RORA: variants seen among roughly 807,000 people sequenced by gnomAD.
RORA encodes the protein nuclear receptor ROR-alpha.
Under a neutral mutation model 69.5 loss-of-function variants are expected in RORA, and 7 were observed. That is an observed-to-expected ratio of 0.10 (90% CI 0.06 to 0.19). The LOEUF (loss-of-function observed/expected upper bound fraction) is 0.19, where lower values mean the gene tolerates loss of function less well. RORA is among the 10% of genes least tolerant of loss of function. RORA has a pLI of 1.00. For missense variants in RORA, 457 were observed against 663.0 expected, an observed-to-expected ratio of 0.69 and a Z score of 3.41; for synonymous variants, 261 against 240.8, an observed-to-expected ratio of 1.08 and a Z score of -0.78.
chr15:61,131,085 A>C lies in RORA; in HGVS notation c.166+97968T>G, dbSNP rs902198894. On this transcript the variant is annotated intron_variant, in intron 1 of 10. Transcript: ENST00000335670. This position sits in a 1 kb window ranked among gnomAD's most constrained non-coding sequence, Gnocchi z 4.2. ...TACTACTCAGCCCTCTGTAATATCC[A>C]GTGAGGCAAAACCCAAGTCACTCAA... 3.9e-5 allele frequency among the ~76,000 whole-genome samples: 6 copies of C among 152,184 alleles called. No individual in the cohort carries two copies. The highest frequency in any genetic ancestry group is 1.4e-4 in the African/African-American group (6 of 41,448).
chr15:61,188,129 G>T (rs899241062), intron 1 of RORA, among the ~76,000 whole-genome samples: 3 of 152,064 alleles, frequency 2.0e-5, no homozygotes, highest in Non-Finnish European at 4.4e-5. Flanking sequence ...ACCCCAAGCT[G>T]TCTGGGCTTC....
At position 60,737,880 on chromosome 15, in the gene RORA, C is replaced by A. The variant is rs545505197; in HGVS notation, c.167-59194G>T. ...TGTCAAGAGCTGCTCCTTTTTGTGA[C>A]AATTCTAGCAGAGACTTCGGTGACA... is the stretch of plus-strand genomic sequence containing the variant. On this transcript the variant is annotated intron_variant, in intron 1 of 10. Coordinates refer to ENST00000335670, the MANE Select transcript of RORA (RefSeq NM_134261.3). Among the ~76,000 whole-genome samples the A allele has an allele frequency of 2.6e-5, 4 of 152,328 alleles. No individual in the cohort carries two copies. The South Asian group carries it at 8.3e-4, about 32-fold the overall frequency.
intron 1 of RORA, among the ~76,000 whole-genome samples, chr15:61,011,964 G>A (rs1895101132): frequency 6.6e-6 from 1 of 152,242 alleles, no homozygotes; most frequent in African/African-American, 2.4e-5. Context: ...AGAGCTGAGA[G>A]ATCACCTGGT....
chr15:60,810,083 C>G (rs765648829), intron 1 of RORA, among the ~76,000 whole-genome samples: 1 of 151,990 alleles, frequency 6.6e-6, no homozygotes, highest in African/African-American at 2.4e-5. Flanking sequence ...TTTTTTAGAG[C>G]CTCCTGTCTT....
At chr15:60,644,666 T>C (rs2140682151) in intron 2 of RORA, among the ~76,000 whole-genome samples, 2 of 152,340 alleles carry the variant, frequency 1.3e-5, no homozygotes, top group East Asian at 3.9e-4. Context: ...TGAAAGGTTA[T>C]GGTTGTATCC....
intron 1 of RORA, among the ~76,000 whole-genome samples, chr15:61,207,242 G>A (rs1329374585): frequency 1.3e-5 from 2 of 152,130 alleles, no homozygotes; most frequent in African/African-American, 4.8e-5. Flanking sequence ...TACCACACAT[G>A]TGAAGATGAG....
chr15:61,048,897 TCACCTTTGAA>T (rs1897167165), intron 1 of RORA, among the ~76,000 whole-genome samples: 1 of 152,034 alleles, frequency 6.6e-6, no homozygotes, highest in African/African-American at 2.4e-5. Flanking sequence ...AAAAACAAAA[TCACCTTTGAA>T]CCTCTTCCTC....
chr15:60,887,516 G>C (rs2073764913), intron 1 of RORA, among the ~76,000 whole-genome samples: 1 of 152,178 alleles, frequency 6.6e-6, no homozygotes, highest in Admixed American at 6.5e-5. Flanking sequence ...GGAAAAAAGA[G>C]AAAGAAATGA....
chr15:60,704,985 G>T (rs150870537), intron 1 of RORA, among the ~76,000 whole-genome samples: 1 of 152,194 alleles, frequency 6.6e-6, no homozygotes, highest in Non-Finnish European at 1.5e-5. Context: ...TGTGACTGCC[G>T]AGGGTTGGCA....
intron 2 of RORA, among the ~76,000 whole-genome samples, chr15:60,557,749 T>C (rs1233987985): frequency 2.0e-5 from 3 of 152,220 alleles, no homozygotes; most frequent in Non-Finnish European, 4.4e-5. Context: ...TCATGTATTT[T>C]AGAACATCAC....
At chr15:60,604,620 A>G (rs1266506973) in intron 2 of RORA, among the ~76,000 whole-genome samples, 1 of 152,180 alleles carries the variant, frequency 6.6e-6, no homozygotes, top group Non-Finnish European at 1.5e-5. Flanking sequence ...ATTAAGGCTT[A>G]CCATAGTGCC....
At chr15:60,771,296 G>A (rs79347610) in intron 1 of RORA, among the ~76,000 whole-genome samples, 3,290 of 152,236 alleles carry the variant, frequency 0.022, 49 homozygotes, top group Non-Finnish European at 0.034. Flanking sequence ...AGCCTTCCCT[G>A]AACACTCAGC....
At chr15:61,092,605 G>A (rs1160452424) in intron 1 of RORA, among the ~76,000 whole-genome samples, 3 of 152,326 alleles carry the variant, frequency 2.0e-5, no homozygotes, top group Non-Finnish European at 4.4e-5. Context: ...AAATATGAAT[G>A]AAAATGATTG....
chr15:60,714,601 G>A (rs2071195495), intron 1 of RORA, among the ~76,000 whole-genome samples: 1 of 152,040 alleles, frequency 6.6e-6, no homozygotes, highest in Non-Finnish European at 1.5e-5. Flanking sequence ...CTGACCTCAG[G>A]TGATCCACCC....
intron 2 of RORA, among the ~76,000 whole-genome samples, chr15:60,570,510 C>T (rs28695504): frequency 0.25 from 38,183 of 151,688 alleles, 9,108 homozygotes; most frequent in African/African-American, 0.63. Flanking sequence ...TTATTATTAT[C>T]ATCATTATTT....
chr15:60,634,273 C>T (rs1465172634), intron 2 of RORA, among the ~76,000 whole-genome samples: 1 of 152,196 alleles, frequency 6.6e-6, no homozygotes, highest in Non-Finnish European at 1.5e-5. Flanking sequence ...TTGGGATGTC[C>T]TTTAAAGTCA....
At chr15:61,031,336 T>G (rs1192310093) in intron 1 of RORA, among the ~76,000 whole-genome samples, 1 of 152,218 alleles carries the variant, frequency 6.6e-6, no homozygotes, top group South Asian at 2.1e-4. Flanking sequence ...GGATCTATAA[T>G]GCTCAAAAGA....
chr15:60,882,554 G>A (rs559527508), intron 1 of RORA, among the ~76,000 whole-genome samples: 6 of 152,084 alleles, frequency 3.9e-5, no homozygotes, highest in South Asian at 2.1e-4. Context: ...AGCTACATGC[G>A]GCACTCAGGT....
intron 1 of RORA, among the ~76,000 whole-genome samples, chr15:60,746,385 C>T (rs917898538): frequency 6.6e-6 from 1 of 151,938 alleles, no homozygotes; most frequent in African/African-American, 2.4e-5. Flanking sequence ...TCAGGTATGC[C>T]CTGCAGGTGT....
Sources: gnomAD v4.1 joint callset for allele counts (sites outside exome capture counted in the v4.1 genomes callset) on GRCh38, gnomAD v4.1.1 for gene constraint, Gnocchi (gnomAD v3.1) non-coding constraint, MANE v1.5 for transcripts, NCBI Gene and HGNC (gene_info 2026-07-23, HGNC 2026-07-21) for gene names.